The following EPHA6 variants were observed in gnomAD, a reference collection of about 807,000 sequenced individuals.
EPHA6 encodes the protein EPH receptor A6.
A neutral mutation model predicts 112.0 loss-of-function variants in EPHA6; 50 were observed. The observed-to-expected ratio is 0.45, with a 90% CI of 0.36 to 0.56. The LOEUF (loss-of-function observed/expected upper bound fraction) is 0.56. Ranked by LOEUF, EPHA6 falls within the 20% of genes least tolerant of loss-of-function variation. The probability of loss-of-function intolerance (pLI) is 0.00; values close to 1 mark genes in which losing one functional copy is unlikely to be tolerated. For synonymous variants in EPHA6, 529 were observed against 490.7 expected, an observed-to-expected ratio of 1.08 and a Z score of -1.03; for missense variants, 1,280 against 1,417.4, an observed-to-expected ratio of 0.90 and a Z score of 1.56.
chr3:97,129,693 G>A (rs993592823), intron 3 of EPHA6, among the ~76,000 whole-genome samples: 16 of 152,088 alleles, frequency 1.1e-4, no homozygotes, highest in African/African-American at 3.9e-4. Flanking sequence ...AGAGAGACTG[G>A]GCTCAAGTCT....
chr3:97,691,437 C>T (rs546775003), intron 14 of EPHA6, among the ~76,000 whole-genome samples: 8 of 152,186 alleles, frequency 5.3e-5, no homozygotes, highest in African/African-American at 1.9e-4. Flanking sequence ...TGTATCTTCA[C>T]TTAACTTTTA....
intron 14 of EPHA6, among the ~76,000 whole-genome samples, chr3:97,691,623 C>G (rs1264567022): frequency 1.3e-5 from 2 of 152,112 alleles, no homozygotes; most frequent in African/African-American, 4.8e-5. Flanking sequence ...AGCCTCCAAG[C>G]TTTAGATATT....
chr3:97,237,459 C>G (rs1467305147), intron 4 of EPHA6, among the ~76,000 whole-genome samples: 2 of 151,896 alleles, frequency 1.3e-5, no homozygotes, highest in Non-Finnish European at 2.9e-5. Context: ...AGAGTTTCCT[C>G]TATTATAAGG....
At chr3:96,815,031 G>C (rs368151653) in intron 1 of EPHA6, 23 bp downstream of exon 1, 90 of 1,481,448 alleles carry the variant, frequency 6.1e-5, no homozygotes, top group Non-Finnish European at 7.8e-5. Context: ...GCGGAGGAGC[G>C]GGAGTGGGTG....
At chr3:97,452,607 TA>T (rs1295798400) in intron 7 of EPHA6, among the ~76,000 whole-genome samples, 1 of 151,728 alleles carries the variant, frequency 6.6e-6, no homozygotes, top group East Asian at 1.9e-4. Flanking sequence ...AAAACTGCAA[TA>T]AAATTACAGA....
At chr3:96,844,794 G>A (rs939013181) in intron 1 of EPHA6, among the ~76,000 whole-genome samples, 2 of 151,946 alleles carry the variant, frequency 1.3e-5, no homozygotes, top group Non-Finnish European at 2.9e-5. Context: ...TAGAAAGTGT[G>A]TGATCAAGAC....
chr3:97,465,275 A>G (rs2091015492), intron 7 of EPHA6, among the ~76,000 whole-genome samples: 1 of 152,070 alleles, frequency 6.6e-6, no homozygotes. Flanking sequence ...TTGTGAAAAA[A>G]TCAATATGCA....
At chr3:97,033,960 A>T (rs2044981475) in intron 3 of EPHA6, among the ~76,000 whole-genome samples, 1 of 152,070 alleles carries the variant, frequency 6.6e-6, no homozygotes, top group South Asian at 2.1e-4. Flanking sequence ...CTAAAACAAT[A>T]ACAAAACCTC....
chr3:97,409,272 C>A (rs1225672618), intron 6 of EPHA6, among the ~76,000 whole-genome samples: 1 of 152,016 alleles, frequency 6.6e-6, no homozygotes, highest in Non-Finnish European at 1.5e-5. Context: ...CTTTCTTATC[C>A]TTAGTGCTCA....
intron 5 of EPHA6, among the ~76,000 whole-genome samples, chr3:97,354,002 C>A (rs1469094215): frequency 6.6e-6 from 1 of 152,186 alleles, no homozygotes; most frequent in Non-Finnish European, 1.5e-5. Context: ...CCAGGGAATT[C>A]TCTGATATCT....
At chr3:97,292,404 T>G (rs1226559525) in intron 5 of EPHA6, among the ~76,000 whole-genome samples, 1 of 152,234 alleles carries the variant, frequency 6.6e-6, no homozygotes, top group Non-Finnish European at 1.5e-5. Flanking sequence ...GTTCTTGTCC[T>G]GCATACAAAA....
At chr3:96,898,388 G>A (rs1377595047) in intron 2 of EPHA6, among the ~76,000 whole-genome samples, 10 of 152,080 alleles carry the variant, frequency 6.6e-5, no homozygotes, top group Admixed American at 2.0e-4. Context: ...ATGTCTTAGC[G>A]TAAACAATGG....
At chr3:97,383,790 A>C (rs2085895035) in intron 5 of EPHA6, among the ~76,000 whole-genome samples, 1 of 152,096 alleles carries the variant, frequency 6.6e-6, no homozygotes, top group Non-Finnish European at 1.5e-5. Context: ...TAATTCCTTC[A>C]AGAAGGAAAC....
chr3:97,076,795 A>G (rs1465297613), intron 3 of EPHA6, among the ~76,000 whole-genome samples: 1 of 152,132 alleles, frequency 6.6e-6, no homozygotes, highest in Non-Finnish European at 1.5e-5. Context: ...CAAAGATTCT[A>G]GGACCCTTAA....
intron 3 of EPHA6, among the ~76,000 whole-genome samples, chr3:97,217,899 G>A (rs1345127883): frequency 1.3e-5 from 2 of 152,082 alleles, no homozygotes; most frequent in Non-Finnish European, 2.9e-5. Context: ...TTTTTTCTGT[G>A]AAAAGCCATA....
At chr3:97,059,525 T>C (rs763162672) in intron 3 of EPHA6, among the ~76,000 whole-genome samples, 14 of 152,002 alleles carry the variant, frequency 9.2e-5, no homozygotes, top group Non-Finnish European at 1.8e-4. Context: ...GGTATTGTAA[T>C]GTGGGGACAC....
At chr3:97,243,072 G>A (rs1264173433) in intron 4 of EPHA6, among the ~76,000 whole-genome samples, 2 of 151,788 alleles carry the variant, frequency 1.3e-5, no homozygotes, top group Non-Finnish European at 2.9e-5. Context: ...TTTAAGGAAA[G>A]GCTGGAGTAA....
At chr3:97,548,846 A>ACAAT (rs755452937) in intron 11 of EPHA6, among the ~76,000 whole-genome samples, 13 of 152,234 alleles carry the variant, frequency 8.5e-5, no homozygotes, top group Non-Finnish European at 1.9e-4. Flanking sequence ...GTAAACATAT[A>ACAAT]CAATCATGCA....
intron 10 of EPHA6, among the ~76,000 whole-genome samples, chr3:97,507,232 G>C (rs572683061): frequency 1.1e-4 from 17 of 152,278 alleles, no homozygotes; most frequent in Admixed American, 8.5e-4. Flanking sequence ...GGGCATACTT[G>C]TCTTGTACCA....
Sources: allele counts gnomAD v4.1 joint callset (sites outside exome capture counted in the v4.1 genomes callset), GRCh38; gene constraint gnomAD v4.1.1; transcripts MANE v1.5; gene names NCBI Gene and HGNC (gene_info 2026-07-23, HGNC 2026-07-21).